ST6GALNAC3: variants seen among roughly 807,000 people sequenced by gnomAD.
ST6GALNAC3 encodes the protein ST6 N-acetylgalactosaminide alpha-2,6-sialyltransferase 3, also known as alpha-N-acetylgalactosaminide alpha-2,6-sialyltransferase 3.
ST6GALNAC3 carries 25 observed loss-of-function variants against 32.7 expected under a neutral mutation model. That is an observed-to-expected ratio of 0.76 (90% CI 0.56 to 1.07). The LOEUF (loss-of-function observed/expected upper bound fraction) is 1.07. Ranked by LOEUF, ST6GALNAC3 falls within the 50% of genes least tolerant of loss-of-function variation. ST6GALNAC3 has a pLI of 0.00. For synonymous variants in ST6GALNAC3, 129 were observed against 133.1 expected (o/e 0.97, Z 0.21); for missense variants, 355 against 382.4 (o/e 0.93, Z 0.60).
chr1:76,305,943 T>A (rs555125450), intron 1 of ST6GALNAC3: 4 of 517,656 alleles, frequency 7.7e-6, no homozygotes, highest in Admixed American at 1.9e-5. Flanking sequence ...GTGAATTAAC[T>A]AAGTTGTTAA....
intron 1 of ST6GALNAC3, among the ~76,000 whole-genome samples, chr1:76,311,691 T>C (rs1646766576): frequency 6.6e-6 from 1 of 152,202 alleles, no homozygotes; most frequent in African/African-American, 2.4e-5. Flanking sequence ...TGATGGGCAT[T>C]TGGGTTGGTT....
At chr1:76,174,508 T>A (rs1652721837) in intron 1 of ST6GALNAC3, among the ~76,000 whole-genome samples, 1 of 151,892 alleles carries the variant, frequency 6.6e-6, no homozygotes, top group African/African-American at 2.4e-5. Flanking sequence ...TTCCAATATT[T>A]GATATTTATA....
chr1:76,307,598 A>G (rs752329126), intron 1 of ST6GALNAC3, among the ~76,000 whole-genome samples: 15 of 152,160 alleles, frequency 9.9e-5, no homozygotes, highest in Non-Finnish European at 2.1e-4. Flanking sequence ...CAGCATGTGA[A>G]CAAAAGTGTA....
chr1:76,084,637 G>A (rs1226507738), intron 1 of ST6GALNAC3, among the ~76,000 whole-genome samples: 2 of 152,146 alleles, frequency 1.3e-5, no homozygotes, highest in African/African-American at 4.8e-5. Context: ...ATTTTTTACT[G>A]CTTATTTCTG....
intron 1 of ST6GALNAC3, among the ~76,000 whole-genome samples, chr1:76,121,006 T>C (rs1186587344): frequency 6.6e-6 from 1 of 152,182 alleles, no homozygotes; most frequent in Non-Finnish European, 1.5e-5. Context: ...TCTGCTTTCA[T>C]CATCACATCT....
At chr1:76,395,842 A>G (rs1165230282) in intron 2 of ST6GALNAC3, among the ~76,000 whole-genome samples, 1 of 152,184 alleles carries the variant, frequency 6.6e-6, no homozygotes, top group Non-Finnish European at 1.5e-5. Flanking sequence ...GGGGATGAAG[A>G]GAGGCTGGTT....
In ST6GALNAC3 at chr1:76,630,801, C is replaced by A; in HGVS notation, c.*1995C>A. 1.0e-6 allele frequency: 1 copy of A among 985,490 alleles called. No individual in the cohort carries two copies. Among genetic ancestry groups the A allele is most frequent in the Non-Finnish European group, 1.2e-6 (1 of 829,764 alleles). The allele number at this position is 985,490 out of a possible 1,614,324, so 61.0% of individuals were successfully genotyped here. A position where few individuals can be genotyped will look rare whatever the true frequency, so the allele number is the denominator to read the frequency against. On this transcript the variant is annotated 3_prime_UTR_variant, in exon 5 of 5. Coordinates refer to ENST00000328299, the MANE Select transcript of ST6GALNAC3 (RefSeq NM_152996.4). ...TTGTTCCCTTATGCAATTTTTAATT[C>A]TATGAATGTTAAGTTTTTTTGAGCT...
intron 2 of ST6GALNAC3, among the ~76,000 whole-genome samples, chr1:76,391,549 TTCCTTCCTTC>T (rs1390240431): frequency 6.6e-6 from 1 of 150,852 alleles, no homozygotes; most frequent in Non-Finnish European, 1.5e-5. Flanking sequence ...CCTTCCTTCC[TTCCTTCCTTC>T]CTTCCTTCCT....
chr1:76,358,149 T>G (rs1163105436), intron 2 of ST6GALNAC3, among the ~76,000 whole-genome samples: 1 of 152,178 alleles, frequency 6.6e-6, no homozygotes, highest in Non-Finnish European at 1.5e-5. Flanking sequence ...CCCTATCGAA[T>G]CTTTAAATGT....
chr1:76,232,447 G>A (rs1656419255), intron 1 of ST6GALNAC3, among the ~76,000 whole-genome samples: 1 of 152,168 alleles, frequency 6.6e-6, no homozygotes, highest in South Asian at 2.1e-4. Context: ...CCTTGCCAGA[G>A]TGGGCTGGAA....
At chr1:76,296,810 C>T (rs1186464467) in intron 1 of ST6GALNAC3, among the ~76,000 whole-genome samples, 1 of 151,876 alleles carries the variant, frequency 6.6e-6, no homozygotes, top group Non-Finnish European at 1.5e-5. Context: ...TAGTTTTTCC[C>T]CTTTATACTT....
chr1:76,626,769 C>A (rs534524584), intron 3 of ST6GALNAC3, among the ~76,000 whole-genome samples: 5 of 151,850 alleles, frequency 3.3e-5, no homozygotes, highest in Admixed American at 6.6e-5. Flanking sequence ...AACCCACTGG[C>A]CTTCACAAAG....
intron 3 of ST6GALNAC3, among the ~76,000 whole-genome samples, chr1:76,606,689 T>C (rs1647569300): frequency 6.7e-6 from 1 of 150,310 alleles, no homozygotes; most frequent in Non-Finnish European, 1.5e-5. Context: ...GTAACAAACC[T>C]GCATGTCCTG....
intron 1 of ST6GALNAC3, among the ~76,000 whole-genome samples, chr1:76,275,770 T>C (rs1009381305): frequency 6.6e-6 from 1 of 152,258 alleles, no homozygotes; most frequent in African/African-American, 2.4e-5. Context: ...GTATTTTAAA[T>C]AAGAGTATTT....
At chr1:76,420,853 A>T (rs1654983303) in intron 3 of ST6GALNAC3, among the ~76,000 whole-genome samples, 1 of 152,104 alleles carries the variant, frequency 6.6e-6, no homozygotes, top group Admixed American at 6.6e-5. Context: ...TTACCTTTTC[A>T]TGAAGCCTCT....
At chr1:76,332,058 C>CA (rs754919418) in intron 2 of ST6GALNAC3, among the ~76,000 whole-genome samples, 1 of 152,184 alleles carries the variant, frequency 6.6e-6, no homozygotes, top group Non-Finnish European at 1.5e-5. Flanking sequence ...TCTTTGTACT[C>CA]ACAATTCTCC....
At chr1:76,566,873 T>G (rs1185753610) in intron 3 of ST6GALNAC3, among the ~76,000 whole-genome samples, 1 of 152,178 alleles carries the variant, frequency 6.6e-6, no homozygotes, top group Non-Finnish European at 1.5e-5. Context: ...GGTCCTCAAT[T>G]ATTATACCCA....
intron 3 of ST6GALNAC3, among the ~76,000 whole-genome samples, chr1:76,567,586 T>G (rs531100378): frequency 5.9e-5 from 9 of 152,290 alleles, no homozygotes; most frequent in Non-Finnish European, 1.2e-4. Context: ...TGCAATAATA[T>G]CCAAATGTGA....
intron 3 of ST6GALNAC3, among the ~76,000 whole-genome samples, chr1:76,481,777 A>G (rs1659738030): frequency 6.6e-6 from 1 of 152,182 alleles, no homozygotes; most frequent in Non-Finnish European, 1.5e-5. Flanking sequence ...TTATAAATGC[A>G]TTAGGCATGC....
Sources: allele counts gnomAD v4.1 joint callset (sites outside exome capture counted in the v4.1 genomes callset), GRCh38; gene constraint gnomAD v4.1.1; transcripts MANE v1.5; gene names NCBI Gene and HGNC (gene_info 2026-07-23, HGNC 2026-07-21).